The following APBB2 variants were observed in gnomAD, a reference collection of about 807,000 sequenced individuals.
The protein encoded by APBB2 is Fe65-like 1.
In APBB2, 38 loss-of-function variants were observed where a neutral mutation model predicts 82.5. The ratio of observed to expected loss-of-function variants is 0.46; its 90% CI spans 0.36 to 0.60. APBB2 has a LOEUF of 0.60. Among genes scored for constraint, APBB2 ranks in the 20% least tolerant of loss-of-function variants. The pLI, the probability that APBB2 is intolerant of heterozygous loss-of-function variation, is 0.00. For synonymous variants in APBB2, 341 were observed against 368.2 expected (o/e 0.93, Z 0.85); for missense variants, 772 against 972.3 (o/e 0.79, Z 2.74).
intron 1 of APBB2, among the ~76,000 whole-genome samples, chr4:41,202,956 C>T (rs1285424719): frequency 6.6e-6 from 1 of 152,144 alleles, no homozygotes; most frequent in East Asian, 1.9e-4. Flanking sequence ...ATGTGGCAGT[C>T]TATCTCATTA....
intron 6 of APBB2, among the ~76,000 whole-genome samples, chr4:40,997,436 G>C (rs531903411): frequency 7.2e-5 from 11 of 152,268 alleles, no homozygotes; most frequent in African/African-American, 2.6e-4. Context: ...TTTCTCATAA[G>C]CATCACTCAT....
intron 1 of APBB2, among the ~76,000 whole-genome samples, chr4:41,172,702 G>A (rs1464400985): frequency 2.0e-5 from 3 of 152,246 alleles, no homozygotes; most frequent in Non-Finnish European, 2.9e-5. Context: ...TATGGACACA[G>A]TAAGCACTCA....
intron 4 of APBB2, among the ~76,000 whole-genome samples, chr4:41,041,262 A>T (rs34351130): frequency 0.11 from 17,375 of 151,150 alleles, 1,106 homozygotes; most frequent in Middle Eastern, 0.17. Flanking sequence ...TCAACTATTT[A>T]AAAAAAAATC....
At chr4:40,982,223 AAAG>A (rs1560445133) in intron 6 of APBB2, among the ~76,000 whole-genome samples, 717 of 6,148 alleles carry the variant, frequency 0.12, 98 homozygotes, top group Middle Eastern at 0.4. Flanking sequence ...AAAAGAAAGG[AAAG>A]AAAGAAAGAA....
At chr4:41,084,585 G>C (rs1388038407) in intron 3 of APBB2, 1 of 152,128 alleles carries the variant, frequency 6.6e-6, no homozygotes, top group Non-Finnish European at 1.5e-5. Flanking sequence ...TTGAGTAAAT[G>C]AATTATCAAA....
At position 40,990,931 on chromosome 4, in the gene APBB2, T is replaced by C. The variant is rs569738937; in HGVS notation, c.835+22652A>G. On this transcript the variant is annotated intron_variant, in intron 6 of 17. Transcript: ENST00000508593. Reference sequence around the variant, plus strand: ...GAGGAAAAAGAAAGGAAGGAAACCCTGAATGGGGGTTGGGGGCAGGGAGGG... The same window carrying C: ...GAGGAAAAAGAAAGGAAGGAAACCCCGAATGGGGGTTGGGGGCAGGGAGGG... Among the ~76,000 whole-genome samples, 3 of 151,502 alleles carry C rather than the reference T, an allele frequency of 2.0e-5. No homozygotes were observed. In the East Asian group the frequency reaches 5.8e-4, roughly 30 times the overall value.
intron 6 of APBB2, among the ~76,000 whole-genome samples, chr4:40,954,511 G>A (rs1300538770): frequency 6.6e-6 from 1 of 152,164 alleles, no homozygotes; most frequent in East Asian, 1.9e-4. Context: ...CCCGGCCTAA[G>A]ACACTAGTTC....
intron 6 of APBB2, among the ~76,000 whole-genome samples, chr4:41,012,185 C>T (rs1808567104): frequency 1.3e-5 from 2 of 152,166 alleles, no homozygotes; most frequent in Non-Finnish European, 2.9e-5. Flanking sequence ...AACTTAACTA[C>T]AACAGAACCG....
At chr4:40,913,916 T>C (rs936157127) in intron 10 of APBB2, among the ~76,000 whole-genome samples, 1 of 151,998 alleles carries the variant, frequency 6.6e-6, no homozygotes, top group African/African-American at 2.4e-5. Flanking sequence ...GGCCATGAGT[T>C]GAAGGTCAAC....
chr4:41,101,820 G>A lies in APBB2; in HGVS notation c.-260-1070C>T, dbSNP rs535226771. On this transcript the variant is annotated intron_variant, in intron 2 of 17. Transcript: ENST00000508593. ...TAAAAATACAAAAAATTAGCCAGGC[G>A]TGGTGGCATGCGCCTGTAATCCCAG... Among the ~76,000 whole-genome samples, 21 of 152,010 alleles carry A rather than the reference G, an allele frequency of 1.4e-4. 1 individual carries two copies. The highest frequency in any genetic ancestry group is 6.8e-3 in the Middle Eastern group (2 of 294).
Position 40,830,727 on chromosome 4 carries a change from C to T in APBB2, c.1530-150G>A, listed in dbSNP as rs936337319. The T allele has an allele frequency of 2.0e-5, 12 of 600,680 alleles. No individual in the cohort carries two copies. In the Middle Eastern group the frequency reaches 7.7e-4, roughly 38 times the overall value. The allele number at this position is 600,680 out of a possible 1,614,324, so 37.2% of individuals were successfully genotyped here. A position where few individuals can be genotyped will look rare whatever the true frequency, so the allele number is the denominator to read the frequency against. On this transcript the variant is annotated intron_variant, in intron 12 of 17. Transcript: ENST00000508593. The stretch of plus-strand genomic sequence containing the variant: ...AAGAAAAATTAAATTACAATAGCTT[C>T]CTAACATATAGTTTTATGACAATTA...
intron 2 of APBB2, among the ~76,000 whole-genome samples, chr4:41,101,996 C>T (rs1047937860): frequency 6.6e-6 from 1 of 151,584 alleles, no homozygotes; most frequent in African/African-American, 2.4e-5. Flanking sequence ...AAACATGTTA[C>T]TTCCCCAACA....
At chr4:41,144,677 TC>T (rs1760195169) in intron 1 of APBB2, among the ~76,000 whole-genome samples, 1 of 152,242 alleles carries the variant, frequency 6.6e-6, no homozygotes. Flanking sequence ...CAGTAACACT[TC>T]CAGTGATGAA....
intron 5 of APBB2, among the ~76,000 whole-genome samples, chr4:41,032,778 CTTTTTTTT>C (rs11421268): frequency 5.9e-5 from 5 of 84,318 alleles, no homozygotes; most frequent in East Asian, 3.9e-4. Flanking sequence ...ATTTTTCTTT[CTTTTTTTT>C]TTTTTTTTTT....
At chr4:40,890,204 A>T in intron 12 of APBB2, 160 bp downstream of exon 12, 1 of 953,008 alleles carries the variant, frequency 1.0e-6, no homozygotes, top group Non-Finnish European at 1.5e-6. Context: ...TGAAGTCTTT[A>T]AGAGGCAGGG....
At chr4:41,149,676 T>G (rs1178351936) in intron 1 of APBB2, among the ~76,000 whole-genome samples, 2 of 152,166 alleles carry the variant, frequency 1.3e-5, no homozygotes, top group East Asian at 1.9e-4. Flanking sequence ...GGTAATACGA[T>G]TTGACTGTGT....
Position 41,044,021 on chromosome 4 carries a change from A to C in APBB2, c.-50-10717T>G, listed in dbSNP as rs149939439. ...GGTATGATCTTTCATCAGGAAGCAC[A>C]TGGTATCTGGTTTTCATTCATTTCT... On this transcript the variant is annotated intron_variant, in intron 4 of 17. Transcript: ENST00000508593. 2.6e-5 allele frequency among the ~76,000 whole-genome samples: 4 copies of C among 152,350 alleles called. No homozygotes were observed. In the East Asian group the frequency reaches 7.7e-4, roughly 29 times the overall value.
chr4:40,902,063 A>T (rs926082492), intron 10 of APBB2, among the ~76,000 whole-genome samples: 1 of 152,056 alleles, frequency 6.6e-6, no homozygotes, highest in Non-Finnish European at 1.5e-5. Context: ...AAGCAAAATG[A>T]CCTACCTCGA....
intron 10 of APBB2, among the ~76,000 whole-genome samples, chr4:40,926,180 TATA>T (rs1413342444): frequency 6.6e-6 from 1 of 152,238 alleles, no homozygotes; most frequent in Non-Finnish European, 1.5e-5. Context: ...TTTCCAACTG[TATA>T]ATGTTATTAC....
Sources: allele counts gnomAD v4.1 joint callset (sites outside exome capture counted in the v4.1 genomes callset), GRCh38; gene constraint gnomAD v4.1.1; transcripts MANE v1.5; gene names NCBI Gene and HGNC (gene_info 2026-07-23, HGNC 2026-07-21).